The following TTN variants were observed in gnomAD, a reference collection of about 807,000 sequenced individuals.
TTN encodes the protein connectin.
In TTN, 1,525 loss-of-function variants were observed where a neutral mutation model predicts 3,223.0. That is an observed-to-expected ratio of 0.47 (90% CI 0.45 to 0.49). The LOEUF is 0.49. Among genes scored for constraint, TTN ranks in the 20% least tolerant of loss-of-function variants. The pLI, the probability that TTN is intolerant of heterozygous loss-of-function variation, is 0.00. For synonymous variants in TTN, 14,094 were observed against 15,161.0 expected, an observed-to-expected ratio of 0.93 and a Z score of 5.17; for missense variants, 40,786 against 43,424.0, an observed-to-expected ratio of 0.94 and a Z score of 5.40.
At chr2:178,763,310 ACT>A (rs1218517387) in intron 43 of TTN, among the ~76,000 whole-genome samples, 1 of 152,196 alleles carries the variant, frequency 6.6e-6, no homozygotes, top group East Asian at 1.9e-4. Context: ...GTAGCAGCTA[ACT>A]CTGATTGATT....
In TTN at chr2:178,740,461, G is replaced by C; in HGVS notation, c.12772C>G (p.Gln4258Glu). ...QRVTLQKQEA[Q>E]SALILSQSLA... ...CTCTGACTCAAGATGAGCGCACTTT[G>C]TGCCTCTTGCTTTTGAAGAGTCACT... The change falls in exon 48 of 363, where the codon CAA becomes GAA. Residue 4258 changes from glutamine to glutamate, a missense_variant. Transcript: ENST00000589042. The C allele has an allele frequency of 4.3e-6, 7 of 1,613,670 alleles. No homozygotes were observed. Among genetic ancestry groups the C allele is most frequent in the Non-Finnish European group, 5.9e-6 (7 of 1,179,788 alleles).
At chr2:178,777,086 G>A (rs2092306077) in intron 27 of TTN, 37 bp from the exon 28 acceptor site, 2 of 1,613,854 alleles carry the variant, frequency 1.2e-6, no homozygotes, top group East Asian at 4.5e-5. Flanking sequence ...TCAATATAGT[G>A]GTATAGCTTC....
rs550187473 is a variant in TTN at position 178,738,078 on chromosome 2, T to C, written c.14371+4A>G. 2 of 1,610,952 alleles carry C rather than the reference T, an allele frequency of 1.2e-6. No individual in the cohort carries two copies. Among genetic ancestry groups the C allele is most frequent in the East Asian group, 2.2e-5 (1 of 44,790 alleles). On this transcript the variant is annotated splice_donor_region_variant and intron_variant, in intron 49 of 362. Coordinates refer to ENST00000589042, the MANE Select transcript of TTN (RefSeq NM_001267550.2). ...CAACATCTGTGCCAATGTATGGCAT[T>C]TACCTGTCACAGTTAGTGTGGCTGT...
chr2:178,649,339 G>T lies in TTN; in HGVS notation c.39974-8C>A, dbSNP rs1401107760. 2.1e-6 allele frequency: 3 copies of T among 1,436,372 alleles called. No homozygotes were observed. The highest frequency in any genetic ancestry group is 1.5e-5 in the African/African-American group (1 of 68,114). The allele number at this position is 1,436,372 out of a possible 1,614,324, so 89.0% of individuals were successfully genotyped here. On this transcript the variant is annotated splice_region_variant and splice_polypyrimidine_tract_variant and intron_variant, in intron 212 of 362. Coordinates refer to ENST00000589042, the MANE Select transcript of TTN (RefSeq NM_001267550.2). Reference sequence around the variant, plus strand: ...TCTTGGGCACCTCAGGCACTTTGAAGATATTAGTTTTGTTTTAAAAATAGT... The same window carrying T: ...TCTTGGGCACCTCAGGCACTTTGAATATATTAGTTTTGTTTTAAAAATAGT...
In TTN at chr2:178,611,662, G is replaced by T. The variant is rs2056345177; in HGVS notation, c.50567C>A (p.Pro16856His). The T allele has an allele frequency of 3.1e-6, 5 of 1,612,880 alleles. No homozygotes were observed. Among genetic ancestry groups the T allele is most frequent in the Non-Finnish European group, 4.2e-6 (5 of 1,179,322 alleles). The change falls in exon 269 of 363, where the codon CCC (proline) becomes CAC (histidine). Residue 16856 changes from proline (P) to histidine (H), a missense_variant. Pro to His is a moderately conservative substitution (Grantham distance 77). Coordinates refer to ENST00000589042, the MANE Select transcript of TTN (RefSeq NM_001267550.2). The stretch of plus-strand genomic sequence containing the variant: ...AGCATCAGTCACATGTAGGTCAAGG[G>T]GTGGTGAGGGAGGACCTGAGAAAAG... ...IEDPTSPPSPPLDLHVTDAGR... is the reference protein window; with the variant it reads ...IEDPTSPPSPHLDLHVTDAGR...
chr2:178,583,807 T>C lies in TTN; in HGVS notation c.65375A>G (p.Tyr21792Cys). 3.7e-6 allele frequency: 6 copies of C among 1,610,152 alleles called. No homozygotes were observed. The highest frequency in any genetic ancestry group is 5.1e-6 in the Non-Finnish European group (6 of 1,178,136). ...KHDGGSKIIG[Y>C]FVEACKLPGD... ...AGGAAGTTTGCAAGCTTCTACGAAA[T>C]AGCCAATAATTTTACTGCCTCCATC... The change falls in exon 312 of 363, where the codon TAT becomes TGT. Residue 21792 changes from tyrosine to cysteine, a missense_variant. By Grantham distance (194) the Tyr-to-Cys change is radical. Coordinates refer to ENST00000589042, the MANE Select transcript of TTN (RefSeq NM_001267550.2).
chr2:178,718,361 C>T lies in TTN; in HGVS notation c.24745G>A (p.Ala8249Thr). The T allele has an allele frequency of 6.2e-7, 1 of 1,613,702 alleles. No individual in the cohort carries two copies. The highest frequency in any genetic ancestry group is 1.1e-5 in the South Asian group (1 of 91,066). ...AGAGCTTCACAGATATCTTGACCAG[C>T]CTCATTTTCTATCAGGCAGCTGTAC... ...AQYSCLIENE[A>T]GQDICEALVS... The change falls in exon 85 of 363, where the codon GCT (alanine) becomes ACT (threonine). Residue 8249 changes from alanine (A) to threonine (T), a missense_variant. Ala to Thr is a moderately conservative substitution (Grantham distance 58, BLOSUM62 0). Transcript: ENST00000589042.
intron 164 of TTN, 61 bp downstream of exon 164, chr2:178,665,647 G>T: frequency 1.5e-6 from 2 of 1,293,250 alleles, no homozygotes; most frequent in East Asian, 2.5e-5. Flanking sequence ...CAGTTCCCTA[G>T]CACCCTGTAC....
chr2:178,552,301 C>T lies in TTN; in HGVS notation c.90599G>A (p.Gly30200Glu). 6.2e-7 allele frequency: 1 copy of T among 1,612,512 alleles called. No individual in the cohort carries two copies. The highest frequency in any genetic ancestry group is 8.5e-7 in the Non-Finnish European group (1 of 1,179,268). ...SIKNAKKEHG[G>E]KYTVILDNAV... is the part of the protein sequence containing the mutation. Reference sequence around the variant, plus strand: ...ATTATCAAGAATAACAGTGTATTTTCCTCCATGCTCCTTCTTGGCATTCTT... The same window carrying T: ...ATTATCAAGAATAACAGTGTATTTTTCTCCATGCTCCTTCTTGGCATTCTT... Residue 30200 changes from glycine (G) to glutamate (E), a missense_variant, in exon 335 of 363, where the codon GGA (glycine) becomes GAA (glutamate). By Grantham distance (98) the Gly-to-Glu change is moderately conservative. Coordinates refer to ENST00000589042, the MANE Select transcript of TTN (RefSeq NM_001267550.2).
rs60598192 is a variant in TTN at position 178,736,147 on chromosome 2, C to T, written c.14372-73G>A. On this transcript the variant is annotated intron_variant, in intron 49 of 362. Coordinates refer to ENST00000589042, the MANE Select transcript of TTN (RefSeq NM_001267550.2). ...CTTGCTGTAATTATATATTCCAAGACAGAGAAAAGATGAGTTAAGTCTTTA... is the reference window on the plus strand; with the variant it reads ...CTTGCTGTAATTATATATTCCAAGATAGAGAAAAGATGAGTTAAGTCTTTA... 2,439 of 1,367,806 alleles carry T rather than the reference C, an allele frequency of 1.8e-3. 24 individuals carry two copies. The African/African-American group carries it at 0.023, about 13-fold the overall frequency. The allele number at this position is 1,367,806 out of a possible 1,614,324, so 84.7% of individuals were successfully genotyped here.
chr2:178,561,584 C>A lies in TTN; in HGVS notation c.84548G>T (p.Gly28183Val). 6.2e-7 allele frequency: 1 copy of A among 1,613,290 alleles called. No homozygotes were observed. Among genetic ancestry groups the A allele is most frequent in the Non-Finnish European group, 8.5e-7 (1 of 1,179,572 alleles). The change falls in exon 326 of 363, where the codon GGA becomes GTA. Residue 28183 changes from glycine (G) to valine (V), a missense_variant. Gly to Val is a moderately radical substitution (Grantham distance 109). Transcript: ENST00000589042. ...AAGATGATAGCCAATTACTCGACTT[C>A]CTCCATCATTAACTGGCACTTGCCA... ...VTWQVPVNDG[G>V]SRVIGYHLEY...
At chr2:178,753,623 ATCACCTT>A (rs2086170569) in intron 46 of TTN, 1 of 159,744 alleles carries the variant, frequency 6.3e-6, no homozygotes, top group Non-Finnish European at 1.4e-5. Context: ...TTTGATTTGA[ATCACCTT>A]TCAAACTTTG....
chr2:178,600,546 G>T, intron 288 of TTN: 1 of 339,532 alleles, frequency 2.9e-6, no homozygotes, highest in South Asian at 3.6e-5. Context: ...GTTACTTTCT[G>T]TCCCTTTTGA....
rs775583527 is a variant in TTN at position 178,578,600 on chromosome 2, A to T, written c.68329+11T>A. On this transcript the variant is annotated intron_variant, in intron 321 of 362. Coordinates refer to ENST00000589042, the MANE Select transcript of TTN (RefSeq NM_001267550.2). ...GATGTAAAAGCTGTAGGATAAGAACAAACAAAATACCTGTAATTGGAGAAC... is the reference window on the plus strand; with the variant it reads ...GATGTAAAAGCTGTAGGATAAGAACTAACAAAATACCTGTAATTGGAGAAC... The T allele has an allele frequency of 1.4e-5, 22 of 1,599,812 alleles. No homozygotes were observed. The highest frequency in any genetic ancestry group is 1.8e-5 in the Non-Finnish European group (21 of 1,169,754).
chr2:178,777,366 T>C, intron 26 of TTN, 49 bp from the exon 27 acceptor site: 1 of 1,612,986 alleles, frequency 6.2e-7, no homozygotes, highest in East Asian at 2.2e-5. Context: ...GAAATACCTG[T>C]TTATAACCCA....
chr2:178,776,123 G>A lies in TTN; in HGVS notation c.5741C>T (p.Ala1914Val), dbSNP rs374203813. The A allele has an allele frequency of 2.3e-5, 37 of 1,614,036 alleles. No homozygotes were observed. The highest frequency in any genetic ancestry group is 8.8e-5 in the South Asian group (8 of 91,078). ...SYDTGEVKVT[A>V]ENPEGVIEHK... Reference sequence around the variant, plus strand: ...CTCTATCACACCTTCAGGATTTTCCGCGGTGACCTTCACTTCACCTGTGTC... The same window carrying A: ...CTCTATCACACCTTCAGGATTTTCCACGGTGACCTTCACTTCACCTGTGTC... The change falls in exon 28 of 363, where the codon GCG (alanine) becomes GTG (valine). Residue 1914 changes from alanine to valine, a missense_variant. By Grantham distance (64) the Ala-to-Val change is moderately conservative. Coordinates refer to ENST00000589042, the MANE Select transcript of TTN (RefSeq NM_001267550.2).
In TTN at chr2:178,565,245, C is replaced by G. The variant is rs1705290908; in HGVS notation, c.80887G>C (p.Glu26963Gln). The G allele has an allele frequency of 6.2e-7, 1 of 1,613,518 alleles. No individual in the cohort carries two copies. Among genetic ancestry groups the G allele is most frequent in the Non-Finnish European group, 8.5e-7 (1 of 1,179,710 alleles). The change falls in exon 326 of 363, where the codon GAA becomes CAA. Residue 26963 changes from glutamate (E) to glutamine (Q), a missense_variant. Coordinates refer to ENST00000589042, the MANE Select transcript of TTN (RefSeq NM_001267550.2). ...TATNSAGTAT[E>Q]NLSVIVLEKP... The stretch of plus-strand genomic sequence containing the variant: ...TCTAAAACGATAACACTGAGATTTT[C>G]TGTTGCTGTGCCTGCACTATTTGTT...
intron 119 of TTN, among the ~76,000 whole-genome samples, chr2:178,693,053 C>T (rs1267282401): frequency 6.6e-6 from 1 of 151,968 alleles, no homozygotes; most frequent in East Asian, 1.9e-4. Flanking sequence ...CTCCCTCCCA[C>T]CCTGGCTGTC....
Position 178,568,715 on chromosome 2 carries a change from C to T in TTN, c.77417G>A (p.Ser25806Asn), listed in dbSNP as rs1405741278. Residue 25806 changes from serine (S) to asparagine (N), a missense_variant, in exon 326 of 363, where the codon AGT (serine) becomes AAT (asparagine). Transcript: ENST00000589042. ...IEPDVKPAFS[S>N]YSVQVGQDLK... ...ATCTTGGCCAACCTGTACACTGTAA[C>T]TACTGAATGCAGGTTTTACATCTGG... 4 of 1,613,180 alleles carry T rather than the reference C, an allele frequency of 2.5e-6. No homozygotes were observed. Among genetic ancestry groups the T allele is most frequent in the African/African-American group, 2.7e-5 (2 of 74,882 alleles).
Sources: allele counts gnomAD v4.1 joint callset (sites outside exome capture counted in the v4.1 genomes callset), GRCh38; gene constraint gnomAD v4.1.1; transcripts MANE v1.5; gene names NCBI Gene and HGNC (gene_info 2026-07-23, HGNC 2026-07-21).